The following RIPPLY3 variants were observed in gnomAD, a reference collection of about 807,000 sequenced individuals.
RIPPLY3 encodes the protein ripply transcriptional repressor 3.
Under a neutral mutation model 11.9 loss-of-function variants are expected in RIPPLY3, and 8 were observed. That is an observed-to-expected ratio of 0.67 (90% CI 0.40 to 1.21). RIPPLY3 has a LOEUF of 1.21. Among genes scored for constraint, RIPPLY3 ranks in the 50% most tolerant of loss-of-function variants. The probability of loss-of-function intolerance (pLI) is 0.01; values close to 1 mark genes in which losing one functional copy is unlikely to be tolerated. For missense variants in RIPPLY3, 271 were observed against 246.0 expected (o/e 1.10, Z -0.68); for synonymous variants, 102 against 99.0 (o/e 1.03, Z -0.18).
chr21:37,008,359 T>A (rs1033454860), intron 2 of RIPPLY3, 136 bp downstream of exon 2: 6 of 792,970 alleles, frequency 7.6e-6, no homozygotes, highest in South Asian at 1.8e-5. Context: ...CCTCGGGGTC[T>A]GGGAGTTGGA....
chr21:37,011,026 C>T (rs961343653), intron 2 of RIPPLY3, among the ~76,000 whole-genome samples: 26 of 150,778 alleles, frequency 1.7e-4, no homozygotes, highest in Non-Finnish European at 3.1e-4. Flanking sequence ...TCGCTCTTGT[C>T]GCCCAGGCTG....
intron 2 of RIPPLY3, 91 bp from the exon 3 acceptor site, chr21:37,013,460 G>A (rs1222972506): frequency 9.6e-7 from 1 of 1,039,964 alleles, no homozygotes; most frequent in East Asian, 2.4e-5. Flanking sequence ...ACCAACTGCA[G>A]ATGACTTACG....
chr21:37,018,105 C>G lies in RIPPLY3; in HGVS notation c.471C>G (p.Ile157Met). Residue 157 changes from isoleucine (I) to methionine (M), a missense_variant, in exon 4 of 4, where the codon ATC becomes ATG. Coordinates refer to ENST00000329553, the MANE Select transcript of RIPPLY3 (RefSeq NM_018962.3). ...GGGGAAAGGGCAGAGACCAGGGCAT[C>G]AACCAAGGGCAGCGATCCTCAGGAG... The part of the protein sequence containing the change: ...GPGGKGRDQG[I>M]NQGQRSSGGG... 6.2e-7 allele frequency: 1 copy of G among 1,614,072 alleles called. No homozygotes were observed. Among genetic ancestry groups the G allele is most frequent in the Non-Finnish European group, 8.5e-7 (1 of 1,180,004 alleles).
chr21:37,007,842 C>A (rs1355523562), intron 1 of RIPPLY3, among the ~76,000 whole-genome samples: 1 of 152,116 alleles, frequency 6.6e-6, no homozygotes, highest in Non-Finnish European at 1.5e-5. Flanking sequence ...GTTGGGGAAC[C>A]CCGAATTGAA....
intron 2 of RIPPLY3, among the ~76,000 whole-genome samples, chr21:37,013,159 A>G (rs2069544071): frequency 6.6e-6 from 1 of 152,146 alleles, no homozygotes; most frequent in Non-Finnish European, 1.5e-5. Flanking sequence ...TTAGAATTGC[A>G]AACCCACATG....
At position 37,018,141 on chromosome 21, in the gene RIPPLY3, C is replaced by A. The variant is rs542725845; in HGVS notation, c.507C>A (p.His169Gln). Residue 169 changes from histidine (H) to glutamine (Q), a missense_variant, in exon 4 of 4, where the codon CAC becomes CAA. Transcript: ENST00000329553. The part of the protein sequence containing the change: ...QGQRSSGGGD[H>Q]WGEGPLPQGV... ...AGCGATCCTCAGGAGGGGGTGACCA[C>A]TGGGGGGAGGGTCCGCTCCCTCAAG... The A allele has an allele frequency of 2.1e-4, 333 of 1,614,014 alleles. 5 individuals are homozygous for A. In the South Asian group the frequency reaches 3.5e-3, roughly 17 times the overall value.
At chr21:37,010,503 A>G (rs1386793885) in intron 2 of RIPPLY3, among the ~76,000 whole-genome samples, 1 of 152,102 alleles carries the variant, frequency 6.6e-6, no homozygotes, top group Non-Finnish European at 1.5e-5. Context: ...AAAAACAAAA[A>G]TAAAACCCAA....
At chr21:37,017,152 C>CA (rs552999886) in intron 3 of RIPPLY3, among the ~76,000 whole-genome samples, 21,059 of 106,720 alleles carry the variant, frequency 0.2, 1,985 homozygotes, top group Non-Finnish European at 0.25. Context: ...GACTCCCTTT[C>CA]AAAAAAAAAA....
chr21:37,016,457 A>G (rs1391831192), intron 3 of RIPPLY3, among the ~76,000 whole-genome samples: 3 of 152,214 alleles, frequency 2.0e-5, no homozygotes, highest in African/African-American at 7.2e-5. Context: ...GGATATTGAA[A>G]TCAGCTTTGC....
chr21:37,006,580 C>G (rs904252451), upstream of RIPPLY3: 2 of 367,484 alleles, frequency 5.4e-6, no homozygotes, highest in African/African-American at 2.1e-5. This position sits in a 1 kb window ranked among gnomAD's most constrained non-coding sequence, Gnocchi z 5.2. Context: ...CCGGGCTTTT[C>G]CTTCGTACCC....
At chr21:37,012,212 TTTATTATTA>T (rs35315761) in intron 2 of RIPPLY3, among the ~76,000 whole-genome samples, 1,414 of 132,498 alleles carry the variant, frequency 0.011, 27 homozygotes, top group East Asian at 0.084. Flanking sequence ...CCGCTCCTTA[TTTATTATTA>T]TTATTATTAT....
At chr21:37,015,687 ATGTTGT>A (rs944039065) in intron 3 of RIPPLY3, among the ~76,000 whole-genome samples, 3 of 151,694 alleles carry the variant, frequency 2.0e-5, no homozygotes, top group Non-Finnish European at 4.4e-5. Context: ...ACCCGCAACT[ATGTTGT>A]TGTTGTTGTT....
intron 3 of RIPPLY3, among the ~76,000 whole-genome samples, chr21:37,014,375 T>G (rs1421820576): frequency 6.6e-6 from 1 of 152,082 alleles, no homozygotes; most frequent in Non-Finnish European, 1.5e-5. Flanking sequence ...GTGGGTGCCG[T>G]GCACCTTTGA....
At chr21:37,007,464 A>G (rs1403327638) in intron 1 of RIPPLY3, among the ~76,000 whole-genome samples, 1 of 133,300 alleles carries the variant, frequency 7.5e-6, no homozygotes, top group East Asian at 2.3e-4. Context: ...GCTGGAGTGC[A>G]ATGGCGTGAT....
rs976225064 is a variant in RIPPLY3, at chr21:37,019,457, T to C, written c.*1250T>C. On this transcript the variant is annotated 3_prime_UTR_variant, in exon 4 of 4. Coordinates refer to ENST00000329553, the MANE Select transcript of RIPPLY3 (RefSeq NM_018962.3). ...GTATTTTAATAGATGAACACTACTT[T>C]TTTAATTTTTTATTTTTTTAACCCT... 1 of 152,018 alleles carries C rather than the reference T, an allele frequency of 6.6e-6. No homozygotes were observed. Among genetic ancestry groups the C allele is most frequent in the Non-Finnish European group, 1.5e-5 (1 of 68,008 alleles). 9.4% of individuals were successfully genotyped at this position (152,018 alleles called of 1,614,324 possible).
intron 1 of RIPPLY3, among the ~76,000 whole-genome samples, chr21:37,007,312 G>T (rs1176503433): frequency 6.6e-6 from 1 of 151,616 alleles, no homozygotes; most frequent in Non-Finnish European, 1.5e-5. Context: ...AGACAGTAAC[G>T]TTGTAGGAAA....
chr21:37,012,218 A>T (rs868189708), intron 2 of RIPPLY3, among the ~76,000 whole-genome samples: 1 of 134,132 alleles, frequency 7.5e-6, no homozygotes, highest in African/African-American at 2.9e-5. Context: ...CTTATTTATT[A>T]TTATTATTAT....
At chr21:37,007,141 AGAG>A (rs1217603935) in intron 1 of RIPPLY3, among the ~76,000 whole-genome samples, 4 of 152,180 alleles carry the variant, frequency 2.6e-5, no homozygotes, top group Non-Finnish European at 5.9e-5. Context: ...GCTTCCGTGT[AGAG>A]GAGATCTCAG....
intron 3 of RIPPLY3, 48 bp from the exon 4 acceptor site, chr21:37,017,826 G>T: frequency 6.7e-7 from 1 of 1,496,328 alleles, no homozygotes; most frequent in Non-Finnish European, 9.0e-7. Flanking sequence ...AAGCAATTTA[G>T]GACGAGGTTC....
Sources: allele counts gnomAD v4.1 joint callset (sites outside exome capture counted in the v4.1 genomes callset), GRCh38; gene constraint gnomAD v4.1.1; non-coding constraint Gnocchi (gnomAD v3.1); transcripts MANE v1.5; gene names NCBI Gene and HGNC (gene_info 2026-07-23, HGNC 2026-07-21).